Variants in ELFN1 observed in about 807,000 individuals in gnomAD.
ELFN1 encodes extracellular leucine rich repeat and fibronectin type III domain containing 1, also known as protein ELFN1.
In ELFN1, 6 loss-of-function variants were observed where a neutral mutation model predicts 7.6. That is an observed-to-expected ratio of 0.79 (90% CI 0.43 to 1.56). The LOEUF is 1.56. Ranked by LOEUF, ELFN1 falls within the 40% of genes most tolerant of loss-of-function variation. The probability of loss-of-function intolerance (pLI) is 0.01; values close to 1 mark genes in which losing one functional copy is unlikely to be tolerated. For missense variants in ELFN1, 1,169 were observed against 1,232.2 expected (o/e 0.95, Z 0.77); for synonymous variants, 657 against 588.1 (o/e 1.12, Z -1.70).
chr7:1,669,180 C>T (rs1778714975), upstream of ELFN1, among the ~76,000 whole-genome samples: 1 of 152,246 alleles, frequency 6.6e-6, no homozygotes, highest in South Asian at 2.1e-4. Flanking sequence ...CATTCACATT[C>T]CCTCTCCGGT....
chr7:1,730,461 A>C (rs948128369), intron 3 of ELFN1, among the ~76,000 whole-genome samples: 6 of 152,248 alleles, frequency 3.9e-5, no homozygotes, highest in African/African-American at 1.2e-4. Flanking sequence ...CCAATTCCAC[A>C]GAATATCACA....
intron 3 of ELFN1, among the ~76,000 whole-genome samples, chr7:1,742,898 G>A (rs1159336552): frequency 6.6e-6 from 1 of 152,236 alleles, no homozygotes; most frequent in Non-Finnish European, 1.5e-5. Context: ...GTGCAGACTA[G>A]TTGCAAACGT....
rs539059345 is a variant in ELFN1, at chr7:1,706,545, T to G, written c.-455-2546T>G. ...CACCACCCTCCACGACATGCAAATC[T>G]GGGCGTGCCCCCGGCCTTCCCAGTG... On this transcript the variant is annotated intron_variant, in intron 2 of 3. Transcript: ENST00000424383. 2.0e-5 allele frequency among the ~76,000 whole-genome samples: 3 copies of G among 152,362 alleles called. No homozygotes were observed. In the South Asian group the frequency reaches 6.2e-4, roughly 32 times the overall value.
At chr7:1,693,837 CG>C (rs1779236653) in intron 2 of ELFN1, 1 of 463,054 alleles carries the variant, frequency 2.2e-6, no homozygotes, top group African/African-American at 2.0e-5. Context: ...CTGGGCCAAT[CG>C]GGGTTCCTGG....
At chr7:1,721,495 GCA>G (rs1780020798) in intron 3 of ELFN1, among the ~76,000 whole-genome samples, 1 of 152,248 alleles carries the variant, frequency 6.6e-6, no homozygotes, top group African/African-American at 2.4e-5. Context: ...GTGGCGTCTG[GCA>G]CATAGTAGGT....
intron 3 of ELFN1, among the ~76,000 whole-genome samples, chr7:1,738,047 G>A (rs1780498798): frequency 1.3e-5 from 2 of 152,200 alleles, no homozygotes; most frequent in African/African-American, 2.4e-5. Flanking sequence ...CGAGGTCCCC[G>A]TGCGACAAGC....
intron 2 of ELFN1, among the ~76,000 whole-genome samples, chr7:1,697,284 AC>A (rs974849785): frequency 4.6e-5 from 7 of 152,196 alleles, no homozygotes; most frequent in Admixed American, 2.6e-4. Context: ...AGGGCCTGAG[AC>A]CCCTGCTCGG....
chr7:1,741,061 C>G (rs576048832), intron 3 of ELFN1, among the ~76,000 whole-genome samples: 50 of 145,112 alleles, frequency 3.4e-4, no homozygotes, highest in African/African-American at 1.1e-3. Flanking sequence ...ACCCAGGAGG[C>G]AGAGGTTGCA....
intron 3 of ELFN1, among the ~76,000 whole-genome samples, chr7:1,711,965 G>A (rs1012154625): frequency 2.6e-5 from 4 of 152,236 alleles, no homozygotes; most frequent in South Asian, 2.1e-4. Context: ...ACAGGGCTGC[G>A]GCAGAGTGTG....
At chr7:1,666,712 C>A (rs1156411424), upstream of ELFN1, among the ~76,000 whole-genome samples, 1 of 151,650 alleles carries the variant, frequency 6.6e-6, no homozygotes, top group Non-Finnish European at 1.5e-5. The surrounding 1 kb of genome is among the most constrained non-coding windows in gnomAD (Gnocchi z 7.9). Context: ...ACAGACGAAC[C>A]CCTCTTCATC....
chr7:1,686,606 C>G (rs1779066463), intron 1 of ELFN1, among the ~76,000 whole-genome samples: 1 of 152,000 alleles, frequency 6.6e-6, no homozygotes, highest in Admixed American at 6.6e-5. Flanking sequence ...GCCAGTCAGG[C>G]CTACACATGC....
chr7:1,680,486 C>T (rs186529921), intron 1 of ELFN1, among the ~76,000 whole-genome samples: 18 of 152,170 alleles, frequency 1.2e-4, no homozygotes, highest in Non-Finnish European at 2.4e-4. Context: ...GTTTCCCTTG[C>T]GTGAGCTTGC....
intron 2 of ELFN1, among the ~76,000 whole-genome samples, chr7:1,706,374 A>G (rs936432467): frequency 2.0e-5 from 3 of 152,194 alleles, no homozygotes; most frequent in African/African-American, 2.4e-5. Context: ...GTGAGCCGAG[A>G]TGGTACCACT....
intron 1 of ELFN1, among the ~76,000 whole-genome samples, chr7:1,687,478 C>T (rs1365705291): frequency 6.6e-6 from 1 of 152,062 alleles, no homozygotes; most frequent in Admixed American, 6.5e-5. Flanking sequence ...AGAAGCCCCC[C>T]ACCCCATCTC....
chr7:1,708,721 A>G (rs1370715697), intron 2 of ELFN1, among the ~76,000 whole-genome samples: 1 of 147,410 alleles, frequency 6.8e-6, no homozygotes, highest in African/African-American at 2.7e-5. Flanking sequence ...CTGGGGCTGT[A>G]GCCCCAGAAG....
intron 1 of ELFN1, among the ~76,000 whole-genome samples, chr7:1,677,629 T>A (rs1778896244): frequency 6.7e-6 from 1 of 149,982 alleles, no homozygotes; most frequent in African/African-American, 2.5e-5. Flanking sequence ...AATAGAGGTG[T>A]GTGCACACCC....
rs547445435 is a variant in ELFN1 at position 1,731,194 on chromosome 7, G to A, written c.-293-13110G>A. 9.8e-5 allele frequency among the ~76,000 whole-genome samples: 15 copies of A among 152,300 alleles called. 1 individual carries two copies. In the East Asian group the frequency reaches 1.7e-3, roughly 18 times the overall value. The stretch of plus-strand genomic sequence containing the variant: ...GAAAACAAGAGTGGTGAGATGTGCC[G>A]TGTTGGAATATTACCCGAAAGTCTT... On this transcript the variant is annotated intron_variant, in intron 3 of 3. Transcript: ENST00000424383.
In ELFN1 at chr7:1,746,609, G is replaced by A; in HGVS notation, c.2013G>A (p.Glu671=). Residue 671 remains glutamate, a synonymous_variant, in exon 4 of 4, where the codon GAG becomes GAA. Transcript: ENST00000424383. ...KAAAAEAKYI[E]KGSPAADAIL... ...CGGCCGCCGAGGCCAAGTACATCGA[G>A]AAGGGCTCCCCCGCGGCCGACGCCA... 1 of 1,350,026 alleles carries A rather than the reference G, an allele frequency of 7.4e-7. No homozygotes were observed. 83.6% of individuals were successfully genotyped at this position (1,350,026 alleles called of 1,614,324 possible).
intron 1 of ELFN1, among the ~76,000 whole-genome samples, chr7:1,681,701 T>C (rs985093273): frequency 3.9e-5 from 6 of 152,218 alleles, no homozygotes; most frequent in Non-Finnish European, 8.8e-5. Flanking sequence ...GGCCGGACCA[T>C]GTTACATTCC....
Sources: gnomAD v4.1 joint callset for allele counts (sites outside exome capture counted in the v4.1 genomes callset) on GRCh38, gnomAD v4.1.1 for gene constraint, Gnocchi (gnomAD v3.1) non-coding constraint, MANE v1.5 for transcripts, NCBI Gene and HGNC (gene_info 2026-07-23, HGNC 2026-07-21) for gene names.